Variants in GABRB3 observed in about 807,000 individuals in gnomAD.
GABRB3 encodes the protein gamma-aminobutyric acid type A receptor subunit beta3, also known as gamma-aminobutyric acid receptor subunit beta-3.
GABRB3 carries 14 observed loss-of-function variants against 52.1 expected under a neutral mutation model. The observed-to-expected ratio is 0.27, with a 90% CI of 0.18 to 0.42. The LOEUF is 0.42. GABRB3 is among the 10% of genes least tolerant of loss of function. The pLI is 1.00. For synonymous variants in GABRB3, 260 were observed against 232.3 expected, an observed-to-expected ratio of 1.12 and a Z score of -1.08; for missense variants, 307 against 609.1, an observed-to-expected ratio of 0.50 and a Z score of 5.22.
At chr15:26,735,510 G>A (rs894126832) in intron 3 of GABRB3, among the ~76,000 whole-genome samples, 13 of 152,346 alleles carry the variant, frequency 8.5e-5, no homozygotes, top group African/African-American at 3.1e-4. Flanking sequence ...AAATGTAGAA[G>A]TGACCCAGGA....
intron 3 of GABRB3, chr15:26,716,516 A>AATGTGTG (rs1889472003): frequency 3.6e-6 from 3 of 823,952 alleles, no homozygotes; most frequent in African/African-American, 1.9e-5. Flanking sequence ...GGGTTTGAGC[A>AATGTGTG]ATGTGTGCAA....
At chr15:26,734,421 C>T (rs1890013926) in intron 3 of GABRB3, among the ~76,000 whole-genome samples, 2 of 152,112 alleles carry the variant, frequency 1.3e-5, no homozygotes, top group South Asian at 4.1e-4. Flanking sequence ...ATCAAAGGCA[C>T]AGGCAACAAA....
chr15:26,771,388 A>G (rs1473479828), intron 3 of GABRB3, among the ~76,000 whole-genome samples: 1 of 152,196 alleles, frequency 6.6e-6, no homozygotes, highest in Non-Finnish European at 1.5e-5. Flanking sequence ...TCCGACGTAC[A>G]CGAGAGTTAA....
At chr15:26,584,708 C>T (rs528702957) in intron 4 of GABRB3, among the ~76,000 whole-genome samples, 1 of 152,200 alleles carries the variant, frequency 6.6e-6, no homozygotes, top group Non-Finnish European at 1.5e-5. Context: ...TGCCTGCAGC[C>T]TTCTCTTAGG....
At chr15:26,678,120 C>A (rs1355136968) in intron 3 of GABRB3, among the ~76,000 whole-genome samples, 1 of 152,154 alleles carries the variant, frequency 6.6e-6, no homozygotes, top group Non-Finnish European at 1.5e-5. Flanking sequence ...CATGTGAGGG[C>A]TAGGATAGGG....
intron 3 of GABRB3, among the ~76,000 whole-genome samples, chr15:26,755,855 T>G (rs1456807522): frequency 6.6e-6 from 1 of 152,182 alleles, no homozygotes; most frequent in East Asian, 1.9e-4. Flanking sequence ...AAGATATTCA[T>G]CAAAACATTA....
intron 4 of GABRB3, among the ~76,000 whole-genome samples, chr15:26,620,846 CACTT>C (rs1032145522): frequency 2.0e-5 from 3 of 152,130 alleles, no homozygotes; most frequent in Non-Finnish European, 4.4e-5. Flanking sequence ...GGAAATCTCT[CACTT>C]AGTCATTCCC....
At chr15:26,590,639 C>A (rs772276985) in intron 4 of GABRB3, among the ~76,000 whole-genome samples, 2 of 152,206 alleles carry the variant, frequency 1.3e-5, no homozygotes, top group Admixed American at 6.5e-5. Context: ...TTTCGTTTAT[C>A]CCGATTTTTG....
chr15:26,740,721 A>C (rs1333728039), intron 3 of GABRB3, among the ~76,000 whole-genome samples: 1 of 152,180 alleles, frequency 6.6e-6, no homozygotes, highest in Non-Finnish European at 1.5e-5. Context: ...TCACAGTATC[A>C]GGCAATAGGA....
Position 26,549,393 on chromosome 15 carries a change from G to A in GABRB3, c.1081-1259C>T, listed in dbSNP as rs28496513. Among the ~76,000 whole-genome samples, 1,268 of 152,206 alleles carry A rather than the reference G, an allele frequency of 8.3e-3. 19 individuals are homozygous for A. Among genetic ancestry groups the A allele is most frequent in the African/African-American group, 0.029 (1,214 of 41,536 alleles). ...ACACAGGAAGGGCTGCACACATCCA[G>A]GGACCACTCAGACTGTGGTGGAAAG... is the stretch of plus-strand genomic sequence containing the variant. On this transcript the variant is annotated intron_variant, in intron 8 of 8. Coordinates refer to ENST00000311550, the MANE Select transcript of GABRB3 (RefSeq NM_000814.6).
rs777263662 is a variant in GABRB3 at position 26,772,943 on chromosome 15, C to T, written c.20G>A (p.Gly7Glu). 1.5e-5 allele frequency: 22 copies of T among 1,479,120 alleles called. No homozygotes were observed. Among genetic ancestry groups the T allele is most frequent in the Non-Finnish European group, 3.6e-6 (4 of 1,112,342 alleles). The allele number at this position is 1,479,120 out of a possible 1,614,324, so 91.6% of individuals were successfully genotyped here. Residue 7 changes from glycine (G) to glutamate (E), a missense_variant, in exon 1 of 9, where the codon GGA becomes GAA. Physicochemically the swap from Gly to Glu is moderately conservative, Grantham distance 98 (BLOSUM62 -2). Transcript: ENST00000311550. MWGLAG[G>E]RLFGIFSAPV... ...GGCCGAGAAGATGCCGAAAAGCCTT[C>T]CTCCCGCAAGGCCCCACATCCCTCC... is the stretch of plus-strand genomic sequence containing the variant.
At chr15:26,551,969 C>T (rs1352636134) in intron 8 of GABRB3, among the ~76,000 whole-genome samples, 1 of 150,896 alleles carries the variant, frequency 6.6e-6, no homozygotes, top group African/African-American at 2.4e-5. Flanking sequence ...GCTTGTATCT[C>T]AAAAGCACCT....
chr15:26,761,580 T>A (rs1329900141), intron 3 of GABRB3, among the ~76,000 whole-genome samples: 4 of 152,034 alleles, frequency 2.6e-5, no homozygotes, highest in Non-Finnish European at 5.9e-5. Context: ...AAATTACATG[T>A]CACCATACCT....
chr15:26,625,667 G>A (rs1892662833), intron 3 of GABRB3: 1 of 173,182 alleles, frequency 5.8e-6, no homozygotes, highest in Non-Finnish European at 1.1e-5. Context: ...TGCTCGAGGT[G>A]GACTCAGGTG....
At chr15:26,688,336 C>T (rs945544939) in intron 3 of GABRB3, among the ~76,000 whole-genome samples, 1 of 152,222 alleles carries the variant, frequency 6.6e-6, no homozygotes, top group Non-Finnish European at 1.5e-5. Context: ...CCATCACTAG[C>T]TCTATGACCC....
intron 6 of GABRB3, among the ~76,000 whole-genome samples, chr15:26,577,748 G>T (rs966281516): frequency 2.6e-5 from 4 of 152,154 alleles, no homozygotes. Flanking sequence ...TGACATCATA[G>T]TCTGGTCCTA....
chr15:26,640,678 G>A (rs1893177713), intron 3 of GABRB3, among the ~76,000 whole-genome samples: 1 of 152,210 alleles, frequency 6.6e-6, no homozygotes, highest in Non-Finnish European at 1.5e-5. Context: ...GCAGCTAGAC[G>A]ATTTTTACTG....
chr15:26,710,955 G>C (rs2140129863), intron 3 of GABRB3, among the ~76,000 whole-genome samples: 1 of 150,958 alleles, frequency 6.6e-6, no homozygotes, highest in African/African-American at 2.4e-5. Context: ...ACTTCTCCTG[G>C]GAGACTGTTT....
At chr15:26,685,727 G>C (rs1888380414) in intron 3 of GABRB3, among the ~76,000 whole-genome samples, 1 of 151,688 alleles carries the variant, frequency 6.6e-6, no homozygotes, top group East Asian at 1.9e-4. Flanking sequence ...TTGTCAAAAT[G>C]ATGGCTAGGA....
Sources: gnomAD v4.1 joint callset for allele counts (sites outside exome capture counted in the v4.1 genomes callset) on GRCh38, gnomAD v4.1.1 for gene constraint, MANE v1.5 for transcripts, NCBI Gene and HGNC (gene_info 2026-07-23, HGNC 2026-07-21) for gene names.